ZFP92: variants seen among roughly 807,000 people sequenced by gnomAD.
ZFP92 encodes the protein ZFP92 zinc finger protein, also known as zinc finger protein 92 homolog.
ZFP92 carries 2 observed loss-of-function variants against 7.6 expected under a neutral mutation model. The observed-to-expected ratio is 0.26, with a 90% CI of 0.11 to 0.83. The LOEUF (loss-of-function observed/expected upper bound fraction) is 0.83, where lower values mean the gene tolerates loss of function less well. Ranked by LOEUF, ZFP92 falls within the 40% of genes least tolerant of loss-of-function variation. The pLI is 0.65. For missense variants in ZFP92, 324 were observed against 408.3 expected (o/e 0.79, Z 1.78); for synonymous variants, 226 against 183.6 (o/e 1.23, Z -1.87).
In ZFP92 at chrX:153,421,810, C is replaced by T. The variant is rs2089007767; in HGVS notation, c.*182C>T. 5.3e-6 allele frequency: 3 copies of T among 564,349 alleles called. No homozygotes were observed. The highest frequency in any genetic ancestry group is 7.0e-6 in the Non-Finnish European group (3 of 431,318). The allele number at this position is 564,349 out of a possible 1,213,427, so 46.5% of individuals were successfully genotyped here. A position where few individuals can be genotyped will look rare whatever the true frequency, so the allele number is the denominator to read the frequency against. On this transcript the variant is annotated 3_prime_UTR_variant, in exon 6 of 6. Transcript: ENST00000338647. ...AGCCTCACCCTGAGGCTGAGAAACG[C>T]AGGAAGGACTCAGAACCGAGGACTG...
intron 5 of ZFP92, 145 bp from the exon 6 acceptor site, chrX:153,420,498 C>T: frequency 7.5e-6 from 7 of 938,944 alleles, no homozygotes; most frequent in South Asian, 2.6e-5. Flanking sequence ...CCCATCCTCC[C>T]GCCCCTTCAT....
rs2089005651 is a variant in ZFP92, at chrX:153,421,614, C to T, written c.1237C>T (p.Pro413Ser). Residue 413 changes from proline to serine, a missense_variant, in exon 6 of 6, where the codon CCC (proline) becomes TCC (serine). Transcript: ENST00000338647. Reference sequence around the variant, plus strand: ...GAGCACAGCCGCCAGGCCTTCCAGGCCCAGCCGCCGCTGACTCCCCGCCAG... The same window carrying T: ...GAGCACAGCCGCCAGGCCTTCCAGGTCCAGCCGCCGCTGACTCCCCGCCAG... ...RPSTAARPSR[P>S]SRR 4 of 991,723 alleles carry T rather than the reference C, an allele frequency of 4.0e-6. No homozygotes were observed. The South Asian group carries it at 9.4e-5, about 23-fold the overall frequency. 81.7% of individuals were successfully genotyped at this position (991,723 alleles called of 1,213,427 possible).
At position 153,419,441 on chromosome X, in the gene ZFP92, T is replaced by G. The variant is rs782375736; in HGVS notation, c.160+642T>G. Reference sequence around the variant, plus strand: ...CGGAGCACTCAGGAAGGTTTTCAGGTGGGGTAAAGAACGTCTGAGGGTGCC... The same window carrying G: ...CGGAGCACTCAGGAAGGTTTTCAGGGGGGGTAAAGAACGTCTGAGGGTGCC... On this transcript the variant is annotated intron_variant, in intron 4 of 5. Transcript: ENST00000338647. Among the ~76,000 whole-genome samples, 3 of 112,104 alleles carry G rather than the reference T, an allele frequency of 2.7e-5. No individual in the cohort carries two copies. The South Asian group carries it at 1.1e-3, about 41-fold the overall frequency.
intron 5 of ZFP92, 144 bp downstream of exon 5, chrX:153,420,476 C>G (rs1160546569): frequency 2.2e-6 from 2 of 898,426 alleles, no homozygotes; most frequent in Non-Finnish European, 3.0e-6. Context: ...ACAGCAGCCC[C>G]GCTATCTCCA....
At position 153,421,031 on chromosome X, in the gene ZFP92, G is replaced by A. The variant is rs782502469; in HGVS notation, c.654G>A (p.Thr218=). 6.7e-6 allele frequency: 8 copies of A among 1,192,066 alleles called. No individual in the cohort carries two copies. The highest frequency in any genetic ancestry group is 9.0e-6 in the Non-Finnish European group (8 of 886,288). The change falls in exon 6 of 6, where the codon ACG becomes ACA. Residue 218 remains threonine, a synonymous_variant. Coordinates refer to ENST00000338647, the MANE Select transcript of ZFP92 (RefSeq NM_001136273.2). ...YACPECSKTF[T]RSSNLIKHQV... ...GCCCCGAGTGCAGCAAGACCTTCAC[G>A]CGCAGCTCCAACCTCATCAAGCACC...
At position 153,424,055 on chromosome X, in the gene ZFP92, G is replaced by A. The variant is rs2089026426; in HGVS notation, c.*2427G>A. 1 of 113,075 alleles carries A rather than the reference G, an allele frequency of 8.8e-6. No individual in the cohort carries two copies. The highest frequency in any genetic ancestry group is 3.2e-5 in the African/African-American group (1 of 31,148). The allele number at this position is 113,075 out of a possible 1,213,427, so 9.3% of individuals were successfully genotyped here. ...AGAAGAATCGACTCCTTAGTATCTTGTCATGCCATTGGTTCTGATGCATAA... is the reference window on the plus strand; with the variant it reads ...AGAAGAATCGACTCCTTAGTATCTTATCATGCCATTGGTTCTGATGCATAA... On this transcript the variant is annotated 3_prime_UTR_variant, in exon 6 of 6. Coordinates refer to ENST00000338647, the MANE Select transcript of ZFP92 (RefSeq NM_001136273.2).
rs1450135004 is a variant in ZFP92 at position 153,422,522 on chromosome X, C to T, written c.*894C>T. On this transcript the variant is annotated 3_prime_UTR_variant, in exon 6 of 6. Transcript: ENST00000338647. Reference sequence around the variant, plus strand: ...CCCACTGCCTTCTGCTCCCCAGACCCCACCAGCAAAGGCCACCCTGGCCTC... The same window carrying T: ...CCCACTGCCTTCTGCTCCCCAGACCTCACCAGCAAAGGCCACCCTGGCCTC... The T allele has an allele frequency of 9.1e-6, 1 of 110,425 alleles. No homozygotes were observed. The highest frequency in any genetic ancestry group is 9.6e-5 in the Admixed American group (1 of 10,412). The allele number at this position is 110,425 out of a possible 1,213,427, so 9.1% of individuals were successfully genotyped here.
At chrX:153,411,761 G>A (rs3747470) in intron 1 of ZFP92, among the ~76,000 whole-genome samples, 58 bp downstream of exon 1, 2 of 112,700 alleles carry the variant, frequency 1.8e-5, no homozygotes, top group East Asian at 2.8e-4. Flanking sequence ...GGCCCGTCTC[G>A]GCAGGGTGCA....
In ZFP92 at chrX:153,421,287, G is replaced by A. The variant is rs1260472891; in HGVS notation, c.910G>A (p.Val304Ile). ...CCAGTGCGCCAAGGCCTTCAAGGGC[G>A]TCTCGCAGCTCATCCACCACCAGCG... The part of the protein sequence containing the change: ...CGQCAKAFKG[V>I]SQLIHHQRSH... Residue 304 changes from valine to isoleucine, a missense_variant, in exon 6 of 6, where the codon GTC (valine) becomes ATC (isoleucine). Transcript: ENST00000338647. 1.2e-5 allele frequency: 14 copies of A among 1,169,582 alleles called. No homozygotes were observed. The highest frequency in any genetic ancestry group is 3.2e-5 in the East Asian group (1 of 31,159).
Position 153,425,155 on chromosome X carries a change from C to G in ZFP92, c.*3527C>G, listed in dbSNP as rs1395163004. ...TTCCTCAGCAAAGTGCCACATCAGT[C>G]TCCTGAGAACACAGCTGTGTGTTCT... On this transcript the variant is annotated 3_prime_UTR_variant, in exon 6 of 6. Transcript: ENST00000338647. 4 of 112,630 alleles carry G rather than the reference C, an allele frequency of 3.6e-5. No homozygotes were observed. The highest frequency in any genetic ancestry group is 7.5e-5 in the Non-Finnish European group (4 of 53,304). The allele number at this position is 112,630 out of a possible 1,213,427, so 9.3% of individuals were successfully genotyped here.
rs1171066346 is a variant in ZFP92, at chrX:153,423,981, G to C, written c.*2353G>C. ...GATACCCATTTCCGTTGTTCTAGGA[G>C]GTAAATGATTTCGTTCCTACAAGCC... On this transcript the variant is annotated 3_prime_UTR_variant, in exon 6 of 6. Coordinates refer to ENST00000338647, the MANE Select transcript of ZFP92 (RefSeq NM_001136273.2). 1 of 112,806 alleles carries C rather than the reference G, an allele frequency of 8.9e-6. No individual in the cohort carries two copies. Among genetic ancestry groups the C allele is most frequent in the Non-Finnish European group, 1.9e-5 (1 of 53,449 alleles). The allele number at this position is 112,806 out of a possible 1,213,427, so 9.3% of individuals were successfully genotyped here.
intron 1 of ZFP92, among the ~76,000 whole-genome samples, 39 bp from the exon 2 acceptor site, chrX:153,411,926 G>C (rs1350144011): frequency 8.9e-6 from 1 of 112,792 alleles, no homozygotes; most frequent in Non-Finnish European, 1.9e-5. Flanking sequence ...TGGGAGCTGC[G>C]GCCCGTGTCT....
In ZFP92 at chrX:153,422,592, G is replaced by A. The variant is rs782324666; in HGVS notation, c.*964G>A. 1 of 98,360 alleles carries A rather than the reference G, an allele frequency of 1.0e-5. No individual in the cohort carries two copies. Among genetic ancestry groups the A allele is most frequent in the African/African-American group, 3.8e-5 (1 of 26,297 alleles). The allele number at this position is 98,360 out of a possible 1,213,427, so 8.1% of individuals were successfully genotyped here. A position where few individuals can be genotyped will look rare whatever the true frequency, so the allele number is the denominator to read the frequency against. The stretch of plus-strand genomic sequence containing the variant: ...CCCCGCCCCACCACCAGTGCCTAAA[G>A]CTTCGCACTTACCTGCTCCTCCCCA... On this transcript the variant is annotated 3_prime_UTR_variant, in exon 6 of 6. Coordinates refer to ENST00000338647, the MANE Select transcript of ZFP92 (RefSeq NM_001136273.2).
rs905191893 is a variant in ZFP92 at position 153,423,186 on chromosome X, C to A, written c.*1558C>A. 102 of 111,341 alleles carry A rather than the reference C, an allele frequency of 9.2e-4. No individual in the cohort carries two copies. Among genetic ancestry groups the A allele is most frequent in the African/African-American group, 3.3e-3 (101 of 30,636 alleles). 9.2% of individuals were successfully genotyped at this position (111,341 alleles called of 1,213,427 possible). Reference sequence around the variant, plus strand: ...CCAGCGTCCTGGTCAGCGGCCACCTCCTTCCAGCCCTGTCCCCTCCCAGGG... The same window carrying A: ...CCAGCGTCCTGGTCAGCGGCCACCTACTTCCAGCCCTGTCCCCTCCCAGGG... On this transcript the variant is annotated 3_prime_UTR_variant, in exon 6 of 6. Transcript: ENST00000338647.
chrX:153,419,857 G>A (rs916119977), intron 4 of ZFP92, among the ~76,000 whole-genome samples: 2 of 112,075 alleles, frequency 1.8e-5, no homozygotes, highest in Admixed American at 9.4e-5. Flanking sequence ...TTCAGCTTTC[G>A]GGGCCTATGG....
intron 2 of ZFP92, among the ~76,000 whole-genome samples, chrX:153,418,021 G>A (rs1272400237): frequency 4.5e-5 from 5 of 112,040 alleles, no homozygotes; most frequent in Admixed American, 9.4e-5. Context: ...TGGAGCGGGG[G>A]CCTGCCAGCA....
Position 153,411,977 on chromosome X carries a change from A to C in ZFP92, c.-55A>C, listed in dbSNP as rs1443648871. Among the ~76,000 whole-genome samples, 3 of 112,781 alleles carry C rather than the reference A, an allele frequency of 2.7e-5. No individual in the cohort carries two copies. Among genetic ancestry groups the C allele is most frequent in the African/African-American group, 9.6e-5 (3 of 31,107 alleles). On this transcript the variant is annotated 5_prime_UTR_variant, in exon 2 of 6. Coordinates refer to ENST00000338647, the MANE Select transcript of ZFP92 (RefSeq NM_001136273.2). Reference sequence around the variant, plus strand: ...GATTGGTTTCCAGCCACCGGTCCCGAGGCTGGCTAAAGAGCATCCTGTCGC... The same window carrying C: ...GATTGGTTTCCAGCCACCGGTCCCGCGGCTGGCTAAAGAGCATCCTGTCGC...
rs2089014577 is a variant in ZFP92 at position 153,422,734 on chromosome X, G to A, written c.*1106G>A. 1 of 112,928 alleles carries A rather than the reference G, an allele frequency of 8.9e-6. No individual in the cohort carries two copies. Among genetic ancestry groups the A allele is most frequent in the South Asian group, 3.6e-4 (1 of 2,764 alleles). 9.3% of individuals were successfully genotyped at this position (112,928 alleles called of 1,213,427 possible). ...GAATCTTTCATCGAATGTCTTTTGC[G>A]TGACATTTTGTAGAATACTGGACGT... On this transcript the variant is annotated 3_prime_UTR_variant, in exon 6 of 6. Coordinates refer to ENST00000338647, the MANE Select transcript of ZFP92 (RefSeq NM_001136273.2).
intron 4 of ZFP92, 62 bp from the exon 5 acceptor site, chrX:153,420,166 G>A: frequency 1.1e-6 from 1 of 903,615 alleles, no homozygotes; most frequent in Non-Finnish European, 1.5e-6. Context: ...AATTGCCTGA[G>A]TTCAGGAGCG....
Sources: allele counts gnomAD v4.1 joint callset (sites outside exome capture counted in the v4.1 genomes callset), GRCh38; gene constraint gnomAD v4.1.1; transcripts MANE v1.5; gene names NCBI Gene and HGNC (gene_info 2026-07-23, HGNC 2026-07-21).